The following EYA3 variants were observed in gnomAD, a reference collection of about 807,000 sequenced individuals.
The protein encoded by EYA3 is protein phosphatase EYA3.
A neutral mutation model predicts 80.0 loss-of-function variants in EYA3; 39 were observed. The observed-to-expected ratio is 0.49, with a 90% CI of 0.38 to 0.64. The LOEUF (loss-of-function observed/expected upper bound fraction) is 0.64. Ranked by LOEUF, EYA3 falls within the 30% of genes least tolerant of loss-of-function variation. The pLI is 0.00. For missense variants in EYA3, 523 were observed against 676.1 expected (o/e 0.77, Z 2.51); for synonymous variants, 206 against 232.8 (o/e 0.88, Z 1.05).
At position 27,989,931 on chromosome 1, in the gene EYA3, T is replaced by TG. The variant is rs202117232; in HGVS notation, c.1304-121_1304-120insC. The TG allele has an allele frequency of 7.5e-3, 3,756 of 503,600 alleles. 63 individuals carry two copies. The highest frequency in any genetic ancestry group is 0.047 in the African/African-American group (2,383 of 50,296). 31.2% of individuals were successfully genotyped at this position (503,600 alleles called of 1,614,324 possible). On this transcript the variant is annotated intron_variant, in intron 14 of 17. Transcript: ENST00000373871. ...TCACTGAAATATTCTACTGAGTATG[T>TG]TTATATATATATATATACATATACG...
intron 1 of EYA3, among the ~76,000 whole-genome samples, chr1:28,066,329 T>A (rs1644836755): frequency 6.6e-6 from 1 of 152,138 alleles, no homozygotes; most frequent in South Asian, 2.1e-4. Context: ...GTGGGGGTAC[T>A]ACCTTACTTA....
intron 11 of EYA3, among the ~76,000 whole-genome samples, chr1:28,001,153 AAT>A (rs1274443214): frequency 6.7e-6 from 1 of 149,148 alleles, no homozygotes; most frequent in African/African-American, 2.4e-5. Flanking sequence ...TATACACAGT[AAT>A]ATATAATTTA....
chr1:28,047,677 C>T (rs1241707157), intron 3 of EYA3, among the ~76,000 whole-genome samples: 7 of 145,614 alleles, frequency 4.8e-5, no homozygotes, highest in African/African-American at 7.7e-5. Flanking sequence ...CTCGCTCTGT[C>T]GCCCAGGCTG....
chr1:27,975,392 G>A (rs112307577), intron 17 of EYA3, among the ~76,000 whole-genome samples: 6,247 of 151,990 alleles, frequency 0.041, 143 homozygotes, highest in Middle Eastern at 0.11. Flanking sequence ...TATTGTCCAG[G>A]TTGGTCTTGA....
chr1:27,988,188 G>T (rs770320918), intron 16 of EYA3, among the ~76,000 whole-genome samples: 6 of 152,074 alleles, frequency 3.9e-5, no homozygotes, highest in Non-Finnish European at 8.8e-5. Flanking sequence ...TAGGTATATA[G>T]TTTAGAAGCT....
intron 1 of EYA3, among the ~76,000 whole-genome samples, chr1:28,075,261 T>G (rs975302657): frequency 6.6e-6 from 1 of 152,232 alleles, no homozygotes; most frequent in African/African-American, 2.4e-5. Flanking sequence ...TAAATTTCCT[T>G]ATGAACATCT....
rs904170585 is a variant in EYA3 at position 28,007,523 on chromosome 1, C to T, written c.910-3104G>A. On this transcript the variant is annotated intron_variant, in intron 10 of 17. Coordinates refer to ENST00000373871, the MANE Select transcript of EYA3 (RefSeq NM_001990.4). ...CTAATTTTTGTATTTTTAGTAGAGA[C>T]GGGGTTTCACCATGTTGGTCAGGCC... Among the ~76,000 whole-genome samples, 3 of 151,754 alleles carry T rather than the reference C, an allele frequency of 2.0e-5. No homozygotes were observed. In the South Asian group the frequency reaches 6.3e-4, roughly 32 times the overall value.
rs138195016 is a variant in EYA3 at position 28,004,348 on chromosome 1, C to G, written c.981G>C (p.Gln327His). 1 of 1,601,776 alleles carries G rather than the reference C, an allele frequency of 6.2e-7. No homozygotes were observed. The highest frequency in any genetic ancestry group is 1.1e-5 in the South Asian group (1 of 89,790). Residue 327 changes from glutamine to histidine, a missense_variant, in exon 11 of 18, where the codon CAG becomes CAC. Gln to His is a conservative substitution (Grantham distance 24). This residue lies in a region of EYA3 where 219 missense variants were observed against 332.8 expected (regional missense o/e 0.66). Transcript: ENST00000373871. ...AGACTCAAATTACCTTTCCATATTT[C>G]TGGGCATAGGATCCAGTAAGAAGTG... Reference protein sequence around the residue: ...FHSLLTGSYAQKYGKDPTVVI... With the variant: ...FHSLLTGSYAHKYGKDPTVVI...
intron 11 of EYA3, among the ~76,000 whole-genome samples, chr1:28,003,270 AAACAACAACAACAACAAC>A (rs139958121): frequency 2.1e-4 from 30 of 145,818 alleles, no homozygotes; most frequent in South Asian, 4.4e-4. Flanking sequence ...ACTCCGTCTC[AAACAACAACAACAACAAC>A]AACAACAACA....
At chr1:28,015,108 G>A (rs1261064955) in intron 8 of EYA3, among the ~76,000 whole-genome samples, 1 of 152,178 alleles carries the variant, frequency 6.6e-6, no homozygotes, top group Non-Finnish European at 1.5e-5. Context: ...AAATCTAGCA[G>A]GAGAGAAGAC....
At chr1:27,991,891 G>A (rs1178724628) in intron 14 of EYA3, among the ~76,000 whole-genome samples, 1 of 152,102 alleles carries the variant, frequency 6.6e-6, no homozygotes, top group African/African-American at 2.4e-5. Context: ...AGAGACTCAG[G>A]CTGTATATGA....
intron 1 of EYA3, among the ~76,000 whole-genome samples, chr1:28,085,397 C>T (rs1397185242): frequency 1.3e-5 from 2 of 152,004 alleles, no homozygotes; most frequent in Admixed American, 6.6e-5. Flanking sequence ...TGCAGTGAGC[C>T]GAGATCGTGC....
intron 8 of EYA3, among the ~76,000 whole-genome samples, chr1:28,014,914 G>A (rs182307374): frequency 6.6e-6 from 1 of 152,248 alleles, no homozygotes; most frequent in African/African-American, 2.4e-5. Flanking sequence ...AAATTCCATT[G>A]ACACTGATAA....
chr1:28,021,035 T>A (rs1642403135), intron 7 of EYA3, among the ~76,000 whole-genome samples: 2 of 152,212 alleles, frequency 1.3e-5, no homozygotes, highest in South Asian at 2.1e-4. Context: ...GAATGGTAAG[T>A]GGCACAGCTG....
intron 2 of EYA3, among the ~76,000 whole-genome samples, chr1:28,052,569 T>C (rs967295079): frequency 3.9e-5 from 6 of 152,134 alleles, no homozygotes; most frequent in African/African-American, 1.4e-4. Context: ...TATGCAAAAA[T>C]TAACTGAAAA....
chr1:28,004,864 A>T (rs544763366), intron 10 of EYA3, among the ~76,000 whole-genome samples: 10 of 152,252 alleles, frequency 6.6e-5, no homozygotes, highest in African/African-American at 2.4e-4. Context: ...AAGAGAGACT[A>T]CAAAAACAAC....
intron 1 of EYA3, among the ~76,000 whole-genome samples, chr1:28,075,461 T>C (rs1390330509): frequency 6.6e-6 from 1 of 152,132 alleles, no homozygotes; most frequent in Non-Finnish European, 1.5e-5. Flanking sequence ...GATGGTCTTG[T>C]GAATGAGGTT....
chr1:28,081,835 T>C (rs2148956832), intron 1 of EYA3, among the ~76,000 whole-genome samples: 1 of 152,282 alleles, frequency 6.6e-6, no homozygotes, highest in South Asian at 2.1e-4. Flanking sequence ...TTTCCTAAAT[T>C]CAGTAATTGC....
rs557590309 is a variant in EYA3 at position 28,074,108 on chromosome 1, G to T, written c.-69+14416C>A. The stretch of plus-strand genomic sequence containing the variant: ...TATGAGTACAGAGATTGAAATGTAG[G>T]CTCTATTACCTGTTACCATCATAAC... On this transcript the variant is annotated intron_variant, in intron 1 of 17. Coordinates refer to ENST00000373871, the MANE Select transcript of EYA3 (RefSeq NM_001990.4). 3.9e-4 allele frequency among the ~76,000 whole-genome samples: 60 copies of T among 152,178 alleles called. 1 individual carries two copies. Among genetic ancestry groups the T allele is most frequent in the African/African-American group, 1.3e-3 (56 of 41,530 alleles).
Sources: gnomAD v4.1 joint callset for allele counts (sites outside exome capture counted in the v4.1 genomes callset) on GRCh38, gnomAD v4.1.1 for gene constraint, gnomAD v4.1.1 regional missense constraint, MANE v1.5 for transcripts, NCBI Gene and HGNC (gene_info 2026-07-23, HGNC 2026-07-21) for gene names.